Variants in SCUBE1 observed in about 807,000 individuals in gnomAD.
The protein encoded by SCUBE1 is signal peptide, CUB and EGF-like domain-containing protein 1.
Under a neutral mutation model 124.4 loss-of-function variants are expected in SCUBE1, and 59 were observed. The ratio of observed to expected loss-of-function variants is 0.47; its 90% CI spans 0.38 to 0.59. The LOEUF (loss-of-function observed/expected upper bound fraction) is 0.59. Ranked by LOEUF, SCUBE1 falls within the 20% of genes least tolerant of loss-of-function variation. The pLI, the probability that SCUBE1 is intolerant of heterozygous loss-of-function variation, is 0.00. For missense variants in SCUBE1, 1,150 were observed against 1,371.2 expected (o/e 0.84, Z 2.55); for synonymous variants, 545 against 550.9 (o/e 0.99, Z 0.15).
chr22:43,290,332 A>G (rs1004154362), intron 4 of SCUBE1, among the ~76,000 whole-genome samples: 1 of 149,840 alleles, frequency 6.7e-6, no homozygotes, highest in Non-Finnish European at 1.5e-5. Flanking sequence ...CTCTCCTCCA[A>G]GCACATGTGT....
At chr22:43,300,950 G>C (rs1925748961) in intron 3 of SCUBE1, among the ~76,000 whole-genome samples, 1 of 152,126 alleles carries the variant, frequency 6.6e-6, no homozygotes, top group South Asian at 2.1e-4. Flanking sequence ...AGACTTCATG[G>C]GCCGCGTGCT....
In SCUBE1 at chr22:43,250,641, G is replaced by A. The variant is rs8140084; in HGVS notation, c.727+7578C>T. ...AGCTGCCTTTCTGTGCCCCCATGTC[G>A]TCATCTCTAAAACACTCGCACTGCT... On this transcript the variant is annotated intron_variant, in intron 6 of 21. Coordinates refer to ENST00000360835, the MANE Select transcript of SCUBE1 (RefSeq NM_173050.5). Among the ~76,000 whole-genome samples, 1,246 of 152,254 alleles carry A rather than the reference G, an allele frequency of 8.2e-3. 7 individuals carry two copies. Among genetic ancestry groups the A allele is most frequent in the Middle Eastern group, 0.058 (17 of 294 alleles).
chr22:43,244,360 C>T (rs558517598), intron 6 of SCUBE1, among the ~76,000 whole-genome samples: 5 of 152,366 alleles, frequency 3.3e-5, no homozygotes, highest in Admixed American at 6.5e-5. Context: ...ACTGACCACA[C>T]GCTATCTGGG....
chr22:43,224,186 C>T (rs1274888096), intron 10 of SCUBE1, among the ~76,000 whole-genome samples: 1 of 152,204 alleles, frequency 6.6e-6, no homozygotes, highest in Non-Finnish European at 1.5e-5. Context: ...GTGCCGTGGG[C>T]CACAGGTGTC....
chr22:43,256,268 G>C (rs757954605), intron 6 of SCUBE1, among the ~76,000 whole-genome samples: 3 of 152,260 alleles, frequency 2.0e-5, no homozygotes, highest in Non-Finnish European at 4.4e-5. Context: ...GGGATGCAAA[G>C]AGGGATCACT....
intron 20 of SCUBE1, 74 bp downstream of exon 20, chr22:43,207,998 G>T: frequency 6.5e-7 from 1 of 1,530,236 alleles, no homozygotes; most frequent in Non-Finnish European, 9.0e-7. Flanking sequence ...GGGCGGGGAC[G>T]TGCGACTCAT....
chr22:43,318,087 AATC>A (rs1407927923), intron 3 of SCUBE1: 3 of 152,192 alleles, frequency 2.0e-5, no homozygotes, highest in Non-Finnish European at 2.9e-5. Context: ...TAACCAAGAG[AATC>A]CATTTCTGTT....
chr22:43,208,263 G>A, intron 19 of SCUBE1, 39 bp from the exon 20 acceptor site: 1 of 1,610,662 alleles, frequency 6.2e-7, no homozygotes, highest in Non-Finnish European at 8.5e-7. Flanking sequence ...CCACAGGTAG[G>A]CAGCTCCTCC....
Position 43,281,976 on chromosome 22 carries a change from C to A in SCUBE1, c.484+9070G>T, listed in dbSNP as rs150965790. 5.8e-3 allele frequency: 888 copies of A among 152,514 alleles called. 3 individuals carry two copies. The highest frequency in any genetic ancestry group is 8.0e-3 in the Non-Finnish European group (548 of 68,170). The allele number at this position is 152,514 out of a possible 1,614,324, so 9.4% of individuals were successfully genotyped here. A position where few individuals can be genotyped will look rare whatever the true frequency, so the allele number is the denominator to read the frequency against. ...TGGGACGAGGACTCCTCTGGCCAAC[C>A]GGAACAAGCTGGAATCTTCGGTGTC... On this transcript the variant is annotated intron_variant, in intron 4 of 21. Coordinates refer to ENST00000360835, the MANE Select transcript of SCUBE1 (RefSeq NM_173050.5).
In SCUBE1 at chr22:43,239,201, C is replaced by T. The variant is rs762957; in HGVS notation, c.728-247G>A. Among the ~76,000 whole-genome samples the T allele has an allele frequency of 0.48, 72,515 of 152,120 alleles. 18,044 individuals carry two copies. The highest frequency in any genetic ancestry group is 0.55 in the Non-Finnish European group (37,424 of 67,972). On this transcript the variant is annotated intron_variant, in intron 6 of 21. Coordinates refer to ENST00000360835, the MANE Select transcript of SCUBE1 (RefSeq NM_173050.5). ...TGCATGTGGTGAGGGATGAGTACAC[C>T]GCAAACTGCAGAGGGCTGTGCTTAT... is the stretch of plus-strand genomic sequence containing the variant.
At chr22:43,290,752 C>T (rs1317121529) in intron 4 of SCUBE1, among the ~76,000 whole-genome samples, 4 of 152,212 alleles carry the variant, frequency 2.6e-5, no homozygotes, top group African/African-American at 9.7e-5. Context: ...TCTTCCTGGC[C>T]ACAGCCAGCC....
In SCUBE1 at chr22:43,210,140, G is replaced by A. The variant is rs1038093959; in HGVS notation, c.2484C>T (p.Ile828=). 19 of 1,612,100 alleles carry A rather than the reference G, an allele frequency of 1.2e-5. No individual in the cohort carries two copies. Among genetic ancestry groups the A allele is most frequent in the East Asian group, 2.2e-5 (1 of 44,838 alleles). ...YPANAECVWH[I]APPPKRRILI... ...GGATCCTGCGCTTTGGGGGAGGCGC[G>A]ATGTGCCAGACGCATTCAGCGTTGG... is the stretch of plus-strand genomic sequence containing the variant. The change falls in exon 19 of 22, where the codon ATC becomes ATT. Residue 828 remains isoleucine (I), a synonymous_variant. Transcript: ENST00000360835. This position sits in a 1 kb window ranked among gnomAD's most constrained non-coding sequence, Gnocchi z 4.5.
At chr22:43,204,825 T>C (rs1234058224) in intron 21 of SCUBE1, among the ~76,000 whole-genome samples, 1 of 150,756 alleles carries the variant, frequency 6.6e-6, no homozygotes, top group Admixed American at 6.6e-5. Context: ...ATGCCTGTAA[T>C]CCCAGCAACT....
intron 7 of SCUBE1, chr22:43,237,814 C>G (rs770795744): frequency 1.3e-5 from 2 of 152,246 alleles, no homozygotes; most frequent in African/African-American, 4.8e-5. Context: ...CTCCCCTCCA[C>G]GCCCTGCTCT....
At chr22:43,305,172 G>A (rs368760476) in intron 3 of SCUBE1, among the ~76,000 whole-genome samples, 1 of 152,192 alleles carries the variant, frequency 6.6e-6, no homozygotes, top group South Asian at 2.1e-4. Flanking sequence ...AAACCTCAAT[G>A]GGTGACTGCC....
intron 6 of SCUBE1, among the ~76,000 whole-genome samples, chr22:43,239,809 G>C (rs1922929582): frequency 6.6e-6 from 1 of 152,186 alleles, no homozygotes; most frequent in Admixed American, 6.5e-5. Context: ...GCTGCTGGGA[G>C]GTGGAAAGCC....
chr22:43,327,621 A>C (rs1187796992), intron 2 of SCUBE1, among the ~76,000 whole-genome samples: 1 of 152,040 alleles, frequency 6.6e-6, no homozygotes, highest in Non-Finnish European at 1.5e-5. Context: ...CCCTGTCTCT[A>C]CTAAAAATAC....
chr22:43,289,811 G>A (rs1393992964), intron 4 of SCUBE1, among the ~76,000 whole-genome samples: 1 of 152,214 alleles, frequency 6.6e-6, no homozygotes, highest in South Asian at 2.1e-4. Flanking sequence ...GGGAGAGGAG[G>A]AGCTGGATTC....
At chr22:43,264,589 CAGCA>C (rs1923992912) in intron 4 of SCUBE1, among the ~76,000 whole-genome samples, 1 of 152,186 alleles carries the variant, frequency 6.6e-6, no homozygotes, top group Non-Finnish European at 1.5e-5. Context: ...GGGTGGTGGC[CAGCA>C]AGCCATCTCC....
Sources: gnomAD v4.1 joint callset for allele counts (sites outside exome capture counted in the v4.1 genomes callset) on GRCh38, gnomAD v4.1.1 for gene constraint, Gnocchi (gnomAD v3.1) non-coding constraint, MANE v1.5 for transcripts, NCBI Gene and HGNC (gene_info 2026-07-23, HGNC 2026-07-21) for gene names.